Variants in ASH1L observed in about 807,000 individuals in gnomAD.
ASH1L encodes histone-lysine N-methyltransferase ASH1L.
A neutral mutation model predicts 269.0 loss-of-function variants in ASH1L; 23 were observed. The ratio of observed to expected loss-of-function variants is 0.09; its 90% CI spans 0.06 to 0.12. The LOEUF (loss-of-function observed/expected upper bound fraction) is 0.12, where lower values mean the gene tolerates loss of function less well. Ranked by LOEUF, ASH1L falls within the 10% of genes least tolerant of loss-of-function variation. The pLI is 1.00. For missense variants in ASH1L, 2,912 were observed against 3,567.8 expected (o/e 0.82, Z 4.68); for synonymous variants, 1,187 against 1,253.5 (o/e 0.95, Z 1.12).
chr1:155,530,563 TAA>T (rs55994662), intron 1 of ASH1L, among the ~76,000 whole-genome samples: 7 of 140,854 alleles, frequency 5.0e-5, no homozygotes, highest in Admixed American at 7.1e-5. Context: ...CCGTCTCTAC[TAA>T]AAAAAAAAAA....
chr1:155,484,557 AATT>A (rs1368594677), intron 2 of ASH1L, among the ~76,000 whole-genome samples: 5 of 152,150 alleles, frequency 3.3e-5, no homozygotes, highest in African/African-American at 9.7e-5. Flanking sequence ...TATGAAAAGT[AATT>A]ATTTTGAATT....
intron 1 of ASH1L, among the ~76,000 whole-genome samples, chr1:155,530,510 G>C (rs1254467895): frequency 6.6e-6 from 1 of 151,656 alleles, no homozygotes. Context: ...CAGATCACTT[G>C]AGGTCAGGAG....
At chr1:155,460,699 T>G (rs1437840166) in intron 3 of ASH1L, among the ~76,000 whole-genome samples, 2 of 152,204 alleles carry the variant, frequency 1.3e-5, no homozygotes, top group African/African-American at 4.8e-5. Context: ...TTCTTCCTTT[T>G]GCAAATTCTA....
chr1:155,540,063 G>T, intron 1 of ASH1L, among the ~76,000 whole-genome samples: 1 of 149,868 alleles, frequency 6.7e-6, no homozygotes, highest in African/African-American at 2.4e-5. Context: ...GCAAGACCTT[G>T]TCTCAAAAAA....
intron 2 of ASH1L, among the ~76,000 whole-genome samples, chr1:155,507,780 G>A (rs1266768841): frequency 1.3e-5 from 2 of 152,144 alleles, no homozygotes; most frequent in Non-Finnish European, 2.9e-5. Flanking sequence ...AAGCTGAGAT[G>A]GGAGGATCAC....
intron 2 of ASH1L, among the ~76,000 whole-genome samples, chr1:155,499,210 AATC>A (rs1436751536): frequency 2.0e-5 from 3 of 152,198 alleles, no homozygotes; most frequent in Non-Finnish European, 4.4e-5. Context: ...CTAATATAGA[AATC>A]ATCATGTGAT....
At chr1:155,434,191 C>CCCTTTCCCTGAGGGGGAAG (rs1661882988) in intron 5 of ASH1L, 1 of 1,594,766 alleles carries the variant, frequency 6.3e-7, no homozygotes, top group Admixed American at 1.8e-5. Flanking sequence ...ACTCCTCGGT[C>CCCTTTCCCTGAGGGGGAAG]CCTTTCCCTG....
At position 155,482,500 on chromosome 1, in the gene ASH1L, TTTAGC is replaced by T. The variant is rs747736907; in HGVS notation, c.421-56_421-52del. 11 of 1,533,348 alleles carry T rather than the reference TTTAGC, an allele frequency of 7.2e-6. No individual in the cohort carries two copies. The Admixed American group carries it at 2.1e-4, about 29-fold the overall frequency. 95.0% of individuals were successfully genotyped at this position (1,533,348 alleles called of 1,614,324 possible). The stretch of plus-strand genomic sequence containing the variant: ...AAAGAGGGAGTAAACCTTACACCAC[TTTAGC>T]TTAGCTTAACAATCCAACAAACTAA... On this transcript the variant is annotated intron_variant, in intron 2 of 27. Coordinates refer to ENST00000392403, the MANE Select transcript of ASH1L (RefSeq NM_018489.3).
At chr1:155,534,914 G>A (rs1669943154) in intron 1 of ASH1L, among the ~76,000 whole-genome samples, 2 of 152,180 alleles carry the variant, frequency 1.3e-5, no homozygotes, top group African/African-American at 4.8e-5. Context: ...ATCTGGCCAG[G>A]TGCGGTGGCT....
chr1:155,522,747 C>A (rs557138072), intron 1 of ASH1L, among the ~76,000 whole-genome samples: 1 of 148,678 alleles, frequency 6.7e-6, no homozygotes, highest in African/African-American at 2.5e-5. Flanking sequence ...AGTGCAGTGG[C>A]GCGATCTCAG....
chr1:155,393,630 CT>C (rs1167772374), intron 7 of ASH1L, among the ~76,000 whole-genome samples: 1 of 151,624 alleles, frequency 6.6e-6, no homozygotes, highest in Non-Finnish European at 1.5e-5. Context: ...TCTCGGCTCA[CT>C]GCACACTCCG....
At chr1:155,444,301 A>G (rs72993430) in intron 4 of ASH1L, among the ~76,000 whole-genome samples, 279 of 152,140 alleles carry the variant, frequency 1.8e-3, no homozygotes, top group African/African-American at 6.6e-3. Context: ...TAAATCAACT[A>G]ATTGTATGTT....
intron 2 of ASH1L, among the ~76,000 whole-genome samples, chr1:155,488,726 G>C (rs1338110192): frequency 7.4e-6 from 1 of 134,742 alleles, no homozygotes; most frequent in Non-Finnish European, 1.6e-5. Flanking sequence ...TGGTACTGAT[G>C]ATATTATCCT....
intron 4 of ASH1L, among the ~76,000 whole-genome samples, chr1:155,443,974 T>G (rs1169057519): frequency 2.1e-5 from 3 of 146,270 alleles, no homozygotes; most frequent in Non-Finnish European, 4.5e-5. Flanking sequence ...CTGGAATTAC[T>G]AAATCTTTTT....
At chr1:155,531,627 T>C (rs929185279) in intron 1 of ASH1L, among the ~76,000 whole-genome samples, 7 of 152,024 alleles carry the variant, frequency 4.6e-5, no homozygotes, top group African/African-American at 1.7e-4. Flanking sequence ...GAAAAGAGAT[T>C]TGAAAACATT....
At chr1:155,349,496 T>C in intron 18 of ASH1L, 37 bp from the exon 19 acceptor site, 1 of 1,614,022 alleles carries the variant, frequency 6.2e-7, no homozygotes, top group Non-Finnish European at 8.5e-7. Flanking sequence ...CTGGCACACT[T>C]AGCACTTTTT....
intron 6 of ASH1L, among the ~76,000 whole-genome samples, chr1:155,402,862 CTT>C (rs113884065): frequency 1.1e-4 from 15 of 135,944 alleles, no homozygotes; most frequent in African/African-American, 1.4e-4. Context: ...CCAAGTTATA[CTT>C]TTTTTTTTTT....
At chr1:155,463,909 A>T (rs528039321) in intron 3 of ASH1L, among the ~76,000 whole-genome samples, 1 of 152,288 alleles carries the variant, frequency 6.6e-6, no homozygotes, top group South Asian at 2.1e-4. Context: ...TCCAATTAAG[A>T]AGTACTACTC....
intron 4 of ASH1L, among the ~76,000 whole-genome samples, chr1:155,454,984 A>G (rs1366034111): frequency 6.6e-6 from 1 of 152,160 alleles, no homozygotes; most frequent in African/African-American, 2.4e-5. Context: ...TCAATGTAAC[A>G]ATATTTGTAA....
Sources: allele counts gnomAD v4.1 joint callset (sites outside exome capture counted in the v4.1 genomes callset), GRCh38; gene constraint gnomAD v4.1.1; transcripts MANE v1.5; gene names NCBI Gene and HGNC (gene_info 2026-07-23, HGNC 2026-07-21).